ARL15: variants seen among roughly 807,000 people sequenced by gnomAD.
ARL15 encodes ARF like GTPase 15.
In ARL15, 19 loss-of-function variants were observed where a neutral mutation model predicts 25.2. The ratio of observed to expected loss-of-function variants is 0.75; its 90% CI spans 0.53 to 1.10. The LOEUF is 1.10. Ranked by LOEUF, ARL15 falls within the 50% of genes least tolerant of loss-of-function variation. The pLI, the probability that ARL15 is intolerant of heterozygous loss-of-function variation, is 0.00. For synonymous variants in ARL15, 94 were observed against 86.8 expected (o/e 1.08, Z -0.46); for missense variants, 220 against 246.0 (o/e 0.89, Z 0.71).
At chr5:54,117,317 T>C (rs1752930645) in intron 3 of ARL15, among the ~76,000 whole-genome samples, 1 of 151,180 alleles carries the variant, frequency 6.6e-6, no homozygotes, top group South Asian at 2.1e-4. Context: ...GAAACTATGT[T>C]TTCATTGGCC....
chr5:54,278,612 G>A (rs1173120866), intron 1 of ARL15, among the ~76,000 whole-genome samples: 1 of 152,146 alleles, frequency 6.6e-6, no homozygotes, highest in Admixed American at 6.5e-5. Context: ...TGTTTTGTTT[G>A]TTTGTTTGTT....
At chr5:54,154,505 G>C in intron 3 of ARL15, 75 bp downstream of exon 3, 1 of 907,216 alleles carries the variant, frequency 1.1e-6, no homozygotes, top group Non-Finnish European at 1.6e-6. Context: ...CATTATGTTT[G>C]AATTACATAT....
intron 4 of ARL15, among the ~76,000 whole-genome samples, chr5:54,025,643 C>A (rs1749768702): frequency 7.0e-6 from 1 of 142,462 alleles, no homozygotes; most frequent in African/African-American, 2.7e-5. Context: ...ATGCTACTGG[C>A]AAGTTATTTG....
At chr5:54,061,140 G>A (rs1751049998) in intron 4 of ARL15, among the ~76,000 whole-genome samples, 1 of 152,154 alleles carries the variant, frequency 6.6e-6, no homozygotes, top group Non-Finnish European at 1.5e-5. Flanking sequence ...CGTGGGCCAG[G>A]CCCAGGGTCC....
intron 2 of ARL15, among the ~76,000 whole-genome samples, chr5:54,165,432 G>A (rs1455115281): frequency 6.6e-6 from 1 of 151,554 alleles, no homozygotes; most frequent in Non-Finnish European, 1.5e-5. Context: ...GATTTTGTAT[G>A]TCTGAAAAAG....
chr5:53,902,606 T>C (rs1325989173), intron 4 of ARL15, among the ~76,000 whole-genome samples: 2 of 152,202 alleles, frequency 1.3e-5, no homozygotes, highest in African/African-American at 2.4e-5. Flanking sequence ...TGTGGTACTA[T>C]GGCAGCACTC....
At chr5:54,279,202 G>T (rs886305259) in intron 1 of ARL15, among the ~76,000 whole-genome samples, 1 of 130,458 alleles carries the variant, frequency 7.7e-6, no homozygotes, top group Non-Finnish European at 1.6e-5. Context: ...GAGCTAATAA[G>T]AGTTTGTTTT....
intron 2 of ARL15, among the ~76,000 whole-genome samples, chr5:54,161,853 T>A (rs1231479685): frequency 6.6e-6 from 1 of 152,208 alleles, no homozygotes; most frequent in Non-Finnish European, 1.5e-5. Context: ...TATTCTGCCA[T>A]CTTCCACACT....
chr5:54,000,889 T>A (rs1748830805), intron 4 of ARL15, among the ~76,000 whole-genome samples: 1 of 152,146 alleles, frequency 6.6e-6, no homozygotes, highest in Admixed American at 6.5e-5. Context: ...CTCATGAGTG[T>A]GTGAGCCACT....
intron 4 of ARL15, among the ~76,000 whole-genome samples, chr5:53,992,830 G>GCAGGTCGGTAACC (rs199866136): frequency 4.0e-5 from 5 of 124,058 alleles, no homozygotes; most frequent in Admixed American, 2.5e-4. Flanking sequence ...GGAGGCCGAG[G>GCAGGTCGGTAACC]TGGGTCGGGA....
At chr5:54,243,541 T>C (rs531433395) in intron 1 of ARL15, among the ~76,000 whole-genome samples, 3 of 152,320 alleles carry the variant, frequency 2.0e-5, no homozygotes, top group East Asian at 3.9e-4. Flanking sequence ...TGGTGACTGA[T>C]AGTAAAGTAT....
chr5:54,113,525 C>G, intron 3 of ARL15, 115 bp from the exon 4 acceptor site: 2 of 960,584 alleles, frequency 2.1e-6, no homozygotes, highest in Non-Finnish European at 3.1e-6. Flanking sequence ...AAGTGCTAAA[C>G]TCTGTGGTAT....
At chr5:53,895,409 T>G (rs1460197171) in intron 4 of ARL15, among the ~76,000 whole-genome samples, 1 of 152,190 alleles carries the variant, frequency 6.6e-6, no homozygotes, top group East Asian at 1.9e-4. Context: ...TGTGTTTCTT[T>G]CGTGTATGTA....
intron 4 of ARL15, among the ~76,000 whole-genome samples, chr5:53,898,558 G>A (rs1744946423): frequency 6.6e-6 from 1 of 152,080 alleles, no homozygotes; most frequent in Admixed American, 6.5e-5. Flanking sequence ...TACATTTAAT[G>A]TAGTTTATCT....
intron 4 of ARL15, among the ~76,000 whole-genome samples, chr5:53,914,529 G>A (rs772085342): frequency 6.6e-6 from 1 of 152,064 alleles, no homozygotes; most frequent in Non-Finnish European, 1.5e-5. Context: ...CTCAACCCAA[G>A]TAATACATAA....
At chr5:54,166,293 C>A (rs981407130) in intron 2 of ARL15, among the ~76,000 whole-genome samples, 5 of 152,070 alleles carry the variant, frequency 3.3e-5, no homozygotes, top group Non-Finnish European at 4.4e-5. Flanking sequence ...CTCCTGGGAT[C>A]AAGCAATCCT....
chr5:53,934,050 ATT>A (rs1206906100), intron 4 of ARL15, among the ~76,000 whole-genome samples: 1 of 152,222 alleles, frequency 6.6e-6, no homozygotes, highest in Non-Finnish European at 1.5e-5. Flanking sequence ...CTGTTGAAAT[ATT>A]GACATTATTA....
intron 1 of ARL15, among the ~76,000 whole-genome samples, chr5:54,286,605 T>C (rs759614177): frequency 1.3e-5 from 2 of 152,196 alleles, no homozygotes; most frequent in Non-Finnish European, 2.9e-5. Context: ...TCCAGCAAAA[T>C]GTTAGCCCAT....
chr5:53,978,228 G>C (rs968304743), intron 4 of ARL15, among the ~76,000 whole-genome samples: 2 of 151,968 alleles, frequency 1.3e-5, no homozygotes, highest in African/African-American at 2.4e-5. Flanking sequence ...AATGTTTATG[G>C]GTAAATTTGT....
Sources: gnomAD v4.1 joint callset for allele counts (sites outside exome capture counted in the v4.1 genomes callset) on GRCh38, gnomAD v4.1.1 for gene constraint, MANE v1.5 for transcripts, NCBI Gene and HGNC (gene_info 2026-07-23, HGNC 2026-07-21) for gene names.